CSMD3: variants seen among roughly 807,000 people sequenced by gnomAD.
CSMD3 encodes the protein CUB and sushi domain-containing protein 3.
A neutral mutation model predicts 435.2 loss-of-function variants in CSMD3; 177 were observed. The ratio of observed to expected loss-of-function variants is 0.41; its 90% CI spans 0.36 to 0.46. CSMD3 has a LOEUF of 0.46. CSMD3 is among the 20% of genes least tolerant of loss of function. The pLI is 0.34. For missense variants in CSMD3, 4,265 were observed against 4,504.6 expected (o/e 0.95, Z 1.52); for synonymous variants, 1,656 against 1,520.5 (o/e 1.09, Z -2.07).
At chr8:113,185,888 G>A (rs112224847) in intron 3 of CSMD3, among the ~76,000 whole-genome samples, 9 of 152,052 alleles carry the variant, frequency 5.9e-5, no homozygotes, top group African/African-American at 1.9e-4. Flanking sequence ...ATCTTCCCAG[G>A]GATTCCAGCA....
At chr8:112,465,458 T>C (rs778634563) in intron 32 of CSMD3, among the ~76,000 whole-genome samples, 92 of 152,200 alleles carry the variant, frequency 6.0e-4, no homozygotes, top group Non-Finnish European at 1.2e-3. Flanking sequence ...GAAATGTAGG[T>C]GGGGTGAGAG....
At chr8:112,395,652 T>C (rs1344673024) in intron 35 of CSMD3, among the ~76,000 whole-genome samples, 1 of 152,072 alleles carries the variant, frequency 6.6e-6, no homozygotes, top group African/African-American at 2.4e-5. Context: ...TCCAGGGCTT[T>C]TCAAAAAAGA....
intron 27 of CSMD3, among the ~76,000 whole-genome samples, chr8:112,531,924 T>C (rs185067577): frequency 3.7e-4 from 56 of 152,160 alleles, no homozygotes; most frequent in African/African-American, 1.3e-3. Context: ...TATGCAACCT[T>C]TTGGTGCATT....
intron 16 of CSMD3, among the ~76,000 whole-genome samples, chr8:112,668,220 A>C (rs527480344): frequency 1.2e-4 from 19 of 152,300 alleles, no homozygotes; most frequent in African/African-American, 3.8e-4. Context: ...ATGATGACTC[A>C]TAATTAGGTT....
intron 6 of CSMD3, among the ~76,000 whole-genome samples, chr8:113,003,266 G>GATAA (rs558235707): frequency 1.6e-3 from 241 of 151,576 alleles, no homozygotes; most frequent in African/African-American, 5.6e-3. Flanking sequence ...TAAATAAATA[G>GATAA]ATAAATAAAT....
chr8:112,708,214 T>C (rs1214654794), intron 13 of CSMD3, among the ~76,000 whole-genome samples: 1 of 151,982 alleles, frequency 6.6e-6, no homozygotes, highest in East Asian at 1.9e-4. Flanking sequence ...CTTTTGTATA[T>C]GGAATTTAGT....
chr8:112,362,118 A>C (rs1827304431), intron 38 of CSMD3, among the ~76,000 whole-genome samples: 1 of 152,090 alleles, frequency 6.6e-6, no homozygotes, highest in African/African-American at 2.4e-5. Flanking sequence ...GTGTACTATT[A>C]ATAGTTTGAA....
At chr8:112,932,699 G>A (rs763713369) in intron 9 of CSMD3, among the ~76,000 whole-genome samples, 3 of 151,924 alleles carry the variant, frequency 2.0e-5, no homozygotes, top group Non-Finnish European at 4.4e-5. Flanking sequence ...TGCGTGGGAG[G>A]GGGTACAAAG....
At chr8:113,274,562 C>T (rs970475016) in intron 3 of CSMD3, among the ~76,000 whole-genome samples, 1 of 151,970 alleles carries the variant, frequency 6.6e-6, no homozygotes, top group Admixed American at 6.6e-5. Context: ...TTACAGATAC[C>T]TATTGGTCTT....
At chr8:112,290,070 C>A (rs1239260432) in intron 56 of CSMD3, among the ~76,000 whole-genome samples, 1 of 152,058 alleles carries the variant, frequency 6.6e-6, no homozygotes, top group African/African-American at 2.4e-5. Flanking sequence ...CATTACATTT[C>A]AAGTCAGTAA....
chr8:112,735,406 G>A (rs1336719938), intron 13 of CSMD3, among the ~76,000 whole-genome samples: 1 of 151,734 alleles, frequency 6.6e-6, no homozygotes, highest in Non-Finnish European at 1.5e-5. Flanking sequence ...TCTTACTAAT[G>A]ATAAAAAATA....
chr8:112,460,839 C>G (rs879343498), intron 32 of CSMD3, among the ~76,000 whole-genome samples: 1 of 152,150 alleles, frequency 6.6e-6, no homozygotes, highest in South Asian at 2.1e-4. Context: ...GCAAAAGCCG[C>G]TAGGTTGAAA....
At chr8:112,832,769 G>A (rs2079912791) in intron 11 of CSMD3, among the ~76,000 whole-genome samples, 1 of 152,070 alleles carries the variant, frequency 6.6e-6, no homozygotes, top group Non-Finnish European at 1.5e-5. Flanking sequence ...CCTTTCCTGT[G>A]GAAACTGTGA....
At chr8:112,772,374 G>A (rs1349628965) in intron 13 of CSMD3, among the ~76,000 whole-genome samples, 1 of 152,032 alleles carries the variant, frequency 6.6e-6, no homozygotes, top group Non-Finnish European at 1.5e-5. Context: ...GGCTGTGCAG[G>A]GTGTGCTTTG....
intron 6 of CSMD3, among the ~76,000 whole-genome samples, chr8:113,001,706 T>C (rs1030146250): frequency 4.6e-5 from 7 of 152,120 alleles, no homozygotes; most frequent in Non-Finnish European, 1.0e-4. Flanking sequence ...TTAACATCAT[T>C]AATAGATTCA....
chr8:112,260,929 A>G (rs1284592570), intron 61 of CSMD3, among the ~76,000 whole-genome samples: 2 of 152,156 alleles, frequency 1.3e-5, no homozygotes, highest in African/African-American at 4.8e-5. Context: ...ATGGAATAAA[A>G]CTACACTTGT....
intron 32 of CSMD3, among the ~76,000 whole-genome samples, chr8:112,462,998 A>G (rs995784334): frequency 6.6e-6 from 1 of 152,176 alleles, no homozygotes; most frequent in African/African-American, 2.4e-5. Flanking sequence ...CTCTCCCTAG[A>G]AAGTCTCATT....
chr8:112,976,192 ATT>A (rs747141686), intron 6 of CSMD3, 44 bp from the exon 7 acceptor site: 1 of 1,598,200 alleles, frequency 6.3e-7, no homozygotes, highest in South Asian at 1.1e-5. Context: ...TTCTTTTTAA[ATT>A]TTGTTTATTT....
At chr8:112,480,051 C>T (rs1466319481) in intron 31 of CSMD3, among the ~76,000 whole-genome samples, 2 of 152,180 alleles carry the variant, frequency 1.3e-5, no homozygotes, top group East Asian at 1.9e-4. Flanking sequence ...GCCATAGAGG[C>T]GGGGCTGCCC....
Sources: allele counts gnomAD v4.1 joint callset (sites outside exome capture counted in the v4.1 genomes callset), GRCh38; gene constraint gnomAD v4.1.1; transcripts MANE v1.5; gene names NCBI Gene and HGNC (gene_info 2026-07-23, HGNC 2026-07-21).